The following PRKACB variants were observed in gnomAD, a reference collection of about 807,000 sequenced individuals.
PRKACB encodes cAMP-dependent protein kinase catalytic subunit beta.
Under a neutral mutation model 51.4 loss-of-function variants are expected in PRKACB, and 16 were observed. The observed-to-expected ratio is 0.31, with a 90% CI of 0.21 to 0.47. PRKACB has a LOEUF of 0.47. PRKACB is among the 20% of genes least tolerant of loss of function. The pLI is 1.00. For synonymous variants in PRKACB, 147 were observed against 154.4 expected, an observed-to-expected ratio of 0.95 and a Z score of 0.35; for missense variants, 309 against 464.5, an observed-to-expected ratio of 0.67 and a Z score of 3.08.
intron 1 of PRKACB, among the ~76,000 whole-genome samples, chr1:84,160,496 C>T (rs1389002572): frequency 6.7e-6 from 1 of 148,608 alleles, no homozygotes; most frequent in Non-Finnish European, 1.5e-5. Context: ...TATCATAAGA[C>T]TTTTGGTTTA....
chr1:84,090,227 A>G (rs1454000133), intron 1 of PRKACB, among the ~76,000 whole-genome samples: 1 of 152,118 alleles, frequency 6.6e-6, no homozygotes, highest in African/African-American at 2.4e-5. Flanking sequence ...ATTCTAAGTC[A>G]TGATATTATG....
chr1:84,086,111 G>T, intron 1 of PRKACB: 2 of 1,508,216 alleles, frequency 1.3e-6, no homozygotes, highest in Non-Finnish European at 1.8e-6. Flanking sequence ...CCTCGCCATT[G>T]AGTATGAGGT....
intron 1 of PRKACB, among the ~76,000 whole-genome samples, chr1:84,079,912 C>A (rs1647390939): frequency 6.6e-6 from 1 of 151,712 alleles, no homozygotes; most frequent in African/African-American, 2.4e-5. Context: ...GTAATCCACC[C>A]ACCTCGGCCT....
rs200269757 is a variant in PRKACB at position 84,115,201 on chromosome 1, CT to C, written c.46+36843del. ...TCCACATCCTTGCCAATATCTGCTA[CT>C]TTTTTTTTTTTTAATGATAGCCATT... is the stretch of plus-strand genomic sequence containing the variant. On this transcript the variant is annotated intron_variant, in intron 1 of 8. Coordinates refer to the PRKACB transcript ENST00000370688. Among the ~76,000 whole-genome samples, 1,360 of 142,720 alleles carry C rather than the reference CT, an allele frequency of 9.5e-3. 6 individuals carry two copies. Among genetic ancestry groups the C allele is most frequent in the African/African-American group, 0.021 (843 of 39,210 alleles). 93.6% of individuals were successfully genotyped at this position (142,720 alleles called of 152,430 possible). A position where few individuals can be genotyped will look rare whatever the true frequency, so the allele number is the denominator to read the frequency against.
chr1:84,207,817 G>A (rs1039531315), intron 8 of PRKACB, among the ~76,000 whole-genome samples: 9 of 151,978 alleles, frequency 5.9e-5, no homozygotes, highest in African/African-American at 1.9e-4. Context: ...TAAGCTTAGT[G>A]TAAACAAATT....
chr1:84,154,711 C>T (rs924678378), intron 1 of PRKACB, among the ~76,000 whole-genome samples: 5 of 152,034 alleles, frequency 3.3e-5, no homozygotes, highest in Non-Finnish European at 7.4e-5. Flanking sequence ...GGATGATACA[C>T]CACAATCGAG....
upstream of PRKACB, among the ~76,000 whole-genome samples, chr1:84,143,869 T>C (rs1653686984): frequency 6.6e-6 from 1 of 152,174 alleles, no homozygotes; most frequent in Non-Finnish European, 1.5e-5. Flanking sequence ...TACTAGTTTT[T>C]TTTTATGAAA....
intron 1 of PRKACB, among the ~76,000 whole-genome samples, chr1:84,099,854 C>G (rs551463015): frequency 6.6e-6 from 1 of 152,140 alleles, no homozygotes; most frequent in East Asian, 1.9e-4. Flanking sequence ...TAAATAGTAG[C>G]TATTGTTTTT....
At chr1:84,184,187 A>G (rs1415287838) in intron 4 of PRKACB, 52 bp downstream of exon 4, 21 of 1,473,808 alleles carry the variant, frequency 1.4e-5, no homozygotes, top group Non-Finnish European at 1.9e-5. Context: ...ATTTTTTTTA[A>G]GATGAAACTA....
intron 1 of PRKACB, chr1:84,086,338 C>A: frequency 1.4e-6 from 1 of 717,576 alleles, no homozygotes; most frequent in Non-Finnish European, 2.4e-6. Context: ...CAGGCTCCAG[C>A]CATGAGTGCT....
At chr1:84,227,079 G>C (rs1674735174) in intron 9 of PRKACB, among the ~76,000 whole-genome samples, 1 of 151,830 alleles carries the variant, frequency 6.6e-6, no homozygotes, top group Admixed American at 6.6e-5. Flanking sequence ...TTTTATTTAG[G>C]GTTTTTACTT....
chr1:84,078,988 G>C (rs1647308753), intron 1 of PRKACB, among the ~76,000 whole-genome samples: 1 of 152,154 alleles, frequency 6.6e-6, no homozygotes, highest in African/African-American at 2.4e-5. Context: ...GACATTCAAG[G>C]ATCTGCTACC....
At chr1:84,104,334 A>G (rs1649569467) in intron 1 of PRKACB, among the ~76,000 whole-genome samples, 1 of 152,194 alleles carries the variant, frequency 6.6e-6, no homozygotes, top group African/African-American at 2.4e-5. Context: ...TCTAAATAGT[A>G]GGTCATTGTT....
intron 1 of PRKACB, among the ~76,000 whole-genome samples, chr1:84,113,947 C>T (rs565025239): frequency 3.9e-5 from 6 of 152,132 alleles, no homozygotes; most frequent in South Asian, 2.1e-4. Flanking sequence ...TAAAAATCAC[C>T]GAATTTTACA....
chr1:84,134,407 A>G (rs750144287), intron 1 of PRKACB, among the ~76,000 whole-genome samples: 22 of 152,196 alleles, frequency 1.4e-4, no homozygotes, highest in East Asian at 1.9e-4. Context: ...CAATAATACC[A>G]TATGGATAAG....
chr1:84,132,181 A>G (rs1652292093), intron 1 of PRKACB, among the ~76,000 whole-genome samples: 1 of 152,206 alleles, frequency 6.6e-6, no homozygotes, highest in Admixed American at 6.5e-5. Flanking sequence ...TTTAATCCTA[A>G]AATTATAGAC....
intron 8 of PRKACB, among the ~76,000 whole-genome samples, chr1:84,206,384 G>GTC (rs1187072201): frequency 1.3e-5 from 2 of 152,150 alleles, no homozygotes; most frequent in African/African-American, 4.8e-5. Flanking sequence ...CCCCAAGACT[G>GTC]TCTCCAGGTT....
upstream of PRKACB, among the ~76,000 whole-genome samples, chr1:84,142,607 CACAAA>C (rs1358272160): frequency 6.6e-6 from 1 of 152,092 alleles, no homozygotes; most frequent in Non-Finnish European, 1.5e-5. Flanking sequence ...AATTTTATTA[CACAAA>C]ACAAAGTATA....
chr1:84,225,449 G>A (rs1022117552), intron 9 of PRKACB, among the ~76,000 whole-genome samples: 2 of 152,072 alleles, frequency 1.3e-5, no homozygotes, highest in Admixed American at 6.5e-5. Flanking sequence ...GTGTGGGCTC[G>A]AGTGCTGGGG....
Sources: allele counts gnomAD v4.1 joint callset (sites outside exome capture counted in the v4.1 genomes callset), GRCh38; gene constraint gnomAD v4.1.1; transcripts MANE v1.5; gene names NCBI Gene and HGNC (gene_info 2026-07-23, HGNC 2026-07-21).